The following CNBD1 variants were observed in gnomAD, a reference collection of about 807,000 sequenced individuals.
CNBD1 encodes the protein cyclic nucleotide binding domain containing 1.
In CNBD1, 71 loss-of-function variants were observed where a neutral mutation model predicts 54.4. The observed-to-expected ratio is 1.30, with a 90% CI of 1.08 to 1.59. CNBD1 has a LOEUF of 1.59. CNBD1 is among the 40% of genes most tolerant of loss of function. The probability of loss-of-function intolerance (pLI) is 0.00; values close to 1 mark genes in which losing one functional copy is unlikely to be tolerated. For synonymous variants in CNBD1, 182 were observed against 170.7 expected, an observed-to-expected ratio of 1.07 and a Z score of -0.51; for missense variants, 659 against 518.0, an observed-to-expected ratio of 1.27 and a Z score of -2.64.
At chr8:87,415,753 A>C (rs2130988813) in intron 2 of CNBD1, among the ~76,000 whole-genome samples, 1 of 152,108 alleles carries the variant, frequency 6.6e-6, no homozygotes, top group South Asian at 2.1e-4. Flanking sequence ...TATGTTATTT[A>C]GATAAACCTC....
intron 4 of CNBD1, among the ~76,000 whole-genome samples, chr8:87,187,821 A>G (rs1813512675): frequency 6.6e-6 from 1 of 152,216 alleles, no homozygotes; most frequent in South Asian, 2.1e-4. Flanking sequence ...TTGGTTTTAC[A>G]ATACCCTAAT....
intron 8 of CNBD1, among the ~76,000 whole-genome samples, chr8:87,303,100 T>C (rs1240044927): frequency 7.2e-5 from 11 of 152,076 alleles, no homozygotes; most frequent in Admixed American, 2.0e-4. Flanking sequence ...CCCATCAAGC[T>C]ACCAATGATT....
chr8:87,161,782 A>G (rs1212921558), intron 4 of CNBD1, among the ~76,000 whole-genome samples: 2 of 152,156 alleles, frequency 1.3e-5, no homozygotes, highest in African/African-American at 4.8e-5. Flanking sequence ...ACATATCCAC[A>G]TCTAAGTACT....
intron 4 of CNBD1, among the ~76,000 whole-genome samples, chr8:87,108,390 G>A (rs1026379616): frequency 6.6e-5 from 10 of 152,188 alleles, no homozygotes; most frequent in African/African-American, 1.9e-4. Context: ...CCAGCAGTCA[G>A]TAGTTCTCAG....
At chr8:87,109,734 C>T (rs1010590172) in intron 4 of CNBD1, among the ~76,000 whole-genome samples, 6 of 151,676 alleles carry the variant, frequency 4.0e-5, no homozygotes, top group African/African-American at 1.5e-4. Flanking sequence ...GAGACAGGGT[C>T]TCACCGTGTT....
At chr8:87,266,608 C>A (rs1808264617) in intron 6 of CNBD1, among the ~76,000 whole-genome samples, 1 of 151,406 alleles carries the variant, frequency 6.6e-6, no homozygotes, top group Non-Finnish European at 1.5e-5. Flanking sequence ...TGTGCCACCA[C>A]CCCGGCTAAT....
chr8:87,348,731 C>T (rs962812372), intron 8 of CNBD1, among the ~76,000 whole-genome samples: 1 of 152,126 alleles, frequency 6.6e-6, no homozygotes, highest in Non-Finnish European at 1.5e-5. Flanking sequence ...AAACTGAGAC[C>T]TTCACTATCC....
intron 5 of CNBD1, among the ~76,000 whole-genome samples, chr8:87,217,480 T>C (rs1019010756): frequency 4.6e-5 from 7 of 151,918 alleles, no homozygotes; most frequent in Admixed American, 2.0e-4. Context: ...CATTATGTAC[T>C]TCAATCAAAA....
intron 2 of CNBD1, among the ~76,000 whole-genome samples, chr8:87,412,699 T>G (rs947243438): frequency 6.6e-6 from 1 of 152,074 alleles, no homozygotes; most frequent in Non-Finnish European, 1.5e-5. Flanking sequence ...GTTTGAGGAC[T>G]CATCCAGGAA....
At chr8:87,267,086 G>A (rs192362258) in intron 6 of CNBD1, among the ~76,000 whole-genome samples, 126 of 152,242 alleles carry the variant, frequency 8.3e-4, no homozygotes, top group African/African-American at 2.7e-3. Flanking sequence ...CACACACTGA[G>A]TGAAGATATC....
At chr8:87,167,484 G>A (rs1812988891) in intron 4 of CNBD1, among the ~76,000 whole-genome samples, 1 of 151,764 alleles carries the variant, frequency 6.6e-6, no homozygotes, top group Admixed American at 6.6e-5. Flanking sequence ...TTTAGATGGA[G>A]TCTCGCTCTG....
intron 4 of CNBD1, among the ~76,000 whole-genome samples, chr8:87,180,043 C>T (rs569089867): frequency 3.2e-4 from 48 of 151,800 alleles, no homozygotes; most frequent in African/African-American, 9.9e-4. Context: ...AAATAGAAAA[C>T]GGTATAAAAG....
rs189048384 is a variant in CNBD1, at chr8:87,162,909, C to T, written c.432-43084C>T. ...TTAGGTCACAAGGACTCCTTCCCTC[C>T]TGAATTGGATTAGGTCCCCTTATAA... On this transcript the variant is annotated intron_variant, in intron 4 of 10. Coordinates refer to ENST00000518476, the MANE Select transcript of CNBD1 (RefSeq NM_173538.3). Among the ~76,000 whole-genome samples the T allele has an allele frequency of 2.8e-3, 429 of 152,142 alleles. 3 individuals are homozygous for T. The highest frequency in any genetic ancestry group is 9.9e-3 in the African/African-American group (410 of 41,546).
At chr8:87,328,610 T>A (rs1157625293) in intron 8 of CNBD1, among the ~76,000 whole-genome samples, 1 of 151,998 alleles carries the variant, frequency 6.6e-6, no homozygotes, top group Non-Finnish European at 1.5e-5. Flanking sequence ...TCCATATCAA[T>A]TTTAGGATTA....
chr8:87,403,459 G>A (rs1189223660), intron 2 of CNBD1, among the ~76,000 whole-genome samples: 2 of 151,810 alleles, frequency 1.3e-5, no homozygotes, highest in African/African-American at 2.4e-5. Context: ...CAATTTCCGC[G>A]TGCTACTCCA....
At chr8:87,067,102 G>A (rs1308973231) in intron 4 of CNBD1, among the ~76,000 whole-genome samples, 1 of 151,938 alleles carries the variant, frequency 6.6e-6, no homozygotes, top group Non-Finnish European at 1.5e-5. Context: ...AGTTAGGGCT[G>A]GGTGTAGAAG....
At chr8:87,291,868 T>C (rs1360829096) in intron 8 of CNBD1, among the ~76,000 whole-genome samples, 3 of 152,186 alleles carry the variant, frequency 2.0e-5, no homozygotes. Context: ...TAAAATTTCT[T>C]TGGAATGGAA....
chr8:87,324,433 T>A (rs1563552668), intron 8 of CNBD1, among the ~76,000 whole-genome samples: 3 of 140,302 alleles, frequency 2.1e-5, no homozygotes, highest in South Asian at 4.4e-4. Context: ...CATCTGGTCC[T>A]GGGCTCTTTT....
intron 10 of CNBD1, among the ~76,000 whole-genome samples, chr8:87,358,249 A>T (rs1319517100): frequency 6.6e-6 from 1 of 152,184 alleles, no homozygotes; most frequent in African/African-American, 2.4e-5. Context: ...CTTGCATAAC[A>T]CTAACTCAAA....
Sources: gnomAD v4.1 joint callset for allele counts (sites outside exome capture counted in the v4.1 genomes callset) on GRCh38, gnomAD v4.1.1 for gene constraint, MANE v1.5 for transcripts, NCBI Gene and HGNC (gene_info 2026-07-23, HGNC 2026-07-21) for gene names.